Variants in AVEN observed in about 807,000 individuals in gnomAD.
The protein encoded by AVEN is apoptosis and caspase activation inhibitor.
A neutral mutation model predicts 38.1 loss-of-function variants in AVEN; 41 were observed. The observed-to-expected ratio is 1.08, with a 90% CI of 0.84 to 1.40. The LOEUF (loss-of-function observed/expected upper bound fraction) is 1.40, where lower values mean the gene tolerates loss of function less well. Ranked by LOEUF, AVEN falls within the 40% of genes most tolerant of loss-of-function variation. The probability of loss-of-function intolerance (pLI) is 0.00; values close to 1 mark genes in which losing one functional copy is unlikely to be tolerated. For missense variants in AVEN, 605 were observed against 438.8 expected, an observed-to-expected ratio of 1.38 and a Z score of -3.38; for synonymous variants, 206 against 171.8, an observed-to-expected ratio of 1.20 and a Z score of -1.56.
chr15:33,861,302 G>A, downstream of AVEN: 1 of 627,230 alleles, frequency 1.6e-6, no homozygotes. Flanking sequence ...GTCCCCATGA[G>A]CCTGTACCTT....
downstream of AVEN, chr15:33,864,081 T>A (rs1889525324): frequency 6.9e-6 from 9 of 1,296,290 alleles, no homozygotes; most frequent in South Asian, 1.1e-4. Flanking sequence ...AGTTAATCCA[T>A]GCGAATGAAC....
chr15:34,018,286 T>A (rs1898036247), intron 1 of AVEN: 1 of 152,226 alleles, frequency 6.6e-6, no homozygotes, highest in South Asian at 2.1e-4. Context: ...TATTCCTTCT[T>A]GTGGGTTCTC....
In AVEN at chr15:34,031,332, G is replaced by C. The variant is rs529004179; in HGVS notation, c.267+7448C>G. Among the ~76,000 whole-genome samples the C allele has an allele frequency of 1.6e-4, 25 of 152,068 alleles. No individual in the cohort carries two copies. The South Asian group carries it at 4.2e-3, about 25-fold the overall frequency. ...TGGGATTACAGGCGCATGCCACCATGCCTGGCTAATTTTTATATTTCTAAT... is the reference window on the plus strand; with the variant it reads ...TGGGATTACAGGCGCATGCCACCATCCCTGGCTAATTTTTATATTTCTAAT... On this transcript the variant is annotated intron_variant, in intron 1 of 5. Coordinates refer to ENST00000306730, the MANE Select transcript of AVEN (RefSeq NM_020371.3).
chr15:34,055,777 G>T (rs1435431623), intron 5 of AVEN, among the ~76,000 whole-genome samples: 2 of 152,070 alleles, frequency 1.3e-5, no homozygotes, highest in Non-Finnish European at 2.9e-5. Context: ...CTCCAGCCTG[G>T]GCGACGGAGC....
chr15:34,056,363 T>A (rs931113681), intron 5 of AVEN, among the ~76,000 whole-genome samples: 1 of 152,232 alleles, frequency 6.6e-6, no homozygotes, highest in African/African-American at 2.4e-5. Context: ...CATTGTTTTT[T>A]ACTAAAATGC....
intron 2 of AVEN, among the ~76,000 whole-genome samples, chr15:33,971,714 AT>A (rs1295990496): frequency 6.6e-6 from 1 of 152,026 alleles, no homozygotes; most frequent in Non-Finnish European, 1.5e-5. Context: ...TTCATAAGGA[AT>A]TTTTTTCATT....
chr15:33,875,985 G>C lies in AVEN; in HGVS notation c.456C>G (p.Phe152Leu), dbSNP rs1891211010. The C allele has an allele frequency of 3.1e-6, 5 of 1,611,948 alleles. No homozygotes were observed. The highest frequency in any genetic ancestry group is 4.2e-6 in the Non-Finnish European group (5 of 1,179,514). Residue 152 changes from phenylalanine (F) to leucine (L), a missense_variant, in exon 3 of 6, where the codon TTC becomes TTG. Phe to Leu is a conservative substitution (Grantham distance 22, BLOSUM62 0). Coordinates refer to ENST00000306730, the MANE Select transcript of AVEN (RefSeq NM_020371.3). ...SVLLSSAGDSFSQFRFAEEKE... is the reference protein window; with the variant it reads ...SVLLSSAGDSLSQFRFAEEKE... Reference sequence around the variant, plus strand: ...TCTCCTCAGCAAACCGGAACTGTGAGAATGAGTCCCCTAGGAATAGGAAAA... The same window carrying C: ...TCTCCTCAGCAAACCGGAACTGTGACAATGAGTCCCCTAGGAATAGGAAAA...
Position 34,053,253 on chromosome 15 carries a change from TC to T in AVEN, n.1637+9668del, listed in dbSNP as rs1899996880. ...AGGCAGAGGTTGCAGTGAGCCAAGA[TC>T]ATGCCACTGCACTCCAGCCTGGGTG... On this transcript the variant is annotated intron_variant and non_coding_transcript_variant, in intron 5 of 11. Transcript: ENST00000675287. 3.9e-5 allele frequency among the ~76,000 whole-genome samples: 5 copies of T among 129,612 alleles called. No individual in the cohort carries two copies. The South Asian group carries it at 1.2e-3, about 31-fold the overall frequency. The allele number at this position is 129,612 out of a possible 152,430, so 85.0% of individuals were successfully genotyped here. A position where few individuals can be genotyped will look rare whatever the true frequency, so the allele number is the denominator to read the frequency against.
At position 34,052,945 on chromosome 15, in the gene AVEN, T is replaced by C. The variant is rs535051541; in HGVS notation, n.1637+9977A>G. 2.0e-5 allele frequency among the ~76,000 whole-genome samples: 3 copies of C among 152,200 alleles called. No homozygotes were observed. In the South Asian group the frequency reaches 6.2e-4, roughly 32 times the overall value. Reference sequence around the variant, plus strand: ...CCAAAGTAGTTTATAGATTCAATGCTAATCTCATGAAACTACCATTGATAT... The same window carrying C: ...CCAAAGTAGTTTATAGATTCAATGCCAATCTCATGAAACTACCATTGATAT... On this transcript the variant is annotated intron_variant and non_coding_transcript_variant, in intron 5 of 11. Coordinates refer to the AVEN transcript ENST00000675287.
Position 34,053,246 on chromosome 15 carries a change from G to A in AVEN, n.1637+9676C>T, listed in dbSNP as rs1244137830. ...ACCCAGGAGGCAGAGGTTGCAGTGA[G>A]CCAAGATCATGCCACTGCACTCCAG... On this transcript the variant is annotated intron_variant and non_coding_transcript_variant, in intron 5 of 11. Coordinates refer to the AVEN transcript ENST00000675287. Among the ~76,000 whole-genome samples the A allele has an allele frequency of 3.0e-5, 4 of 135,540 alleles. No individual in the cohort carries two copies. The East Asian group carries it at 8.6e-4, about 29-fold the overall frequency. The allele number at this position is 135,540 out of a possible 152,430, so 88.9% of individuals were successfully genotyped here.
chr15:34,022,615 T>C (rs1285692909), intron 1 of AVEN, among the ~76,000 whole-genome samples: 1 of 152,214 alleles, frequency 6.6e-6, no homozygotes, highest in Non-Finnish European at 1.5e-5. Flanking sequence ...TGCATGCTGG[T>C]AAAATTCCCT....
intron 2 of AVEN, among the ~76,000 whole-genome samples, chr15:33,924,495 A>AT (rs1597236803): frequency 6.6e-6 from 1 of 151,864 alleles, no homozygotes; most frequent in African/African-American, 2.4e-5. Context: ...AAATTTCCTG[A>AT]TTTTTTTGTA....
chr15:33,860,792 G>C, intron 11 of AVEN: 1 of 750,646 alleles, frequency 1.3e-6, no homozygotes. Context: ...TCCATGCCCT[G>C]TTCTCTGCAC....
chr15:33,929,279 T>G (rs771563137), intron 2 of AVEN, among the ~76,000 whole-genome samples: 1 of 152,218 alleles, frequency 6.6e-6, no homozygotes, highest in Non-Finnish European at 1.5e-5. Flanking sequence ...GTATGCTGAC[T>G]GTTATCCGCT....
At chr15:33,933,776 T>C (rs1047412456) in intron 2 of AVEN, among the ~76,000 whole-genome samples, 1 of 152,084 alleles carries the variant, frequency 6.6e-6, no homozygotes, top group Admixed American at 6.5e-5. Flanking sequence ...CTGGCCAACA[T>C]GGCAAAACCC....
Position 34,063,123 on chromosome 15 carries a change from T to C in AVEN, n.1436A>G. 4 of 1,614,208 alleles carry C rather than the reference T, an allele frequency of 2.5e-6. No homozygotes were observed. Among genetic ancestry groups the C allele is most frequent in the Non-Finnish European group, 3.4e-6 (4 of 1,180,030 alleles). ...CCGTTACTTTTCCATCACAAGACCC[T>C]TGACATATCGGGCCAAGCGTACTCC... On this transcript the variant is annotated non_coding_transcript_exon_variant, in exon 5 of 12. Transcript: ENST00000675287. The surrounding 1 kb of genome is among the most constrained non-coding windows in gnomAD (Gnocchi z 4.1).
intron 3 of AVEN, among the ~76,000 whole-genome samples, chr15:33,872,391 A>AGAC (rs1217180438): frequency 6.6e-6 from 1 of 152,220 alleles, no homozygotes; most frequent in Admixed American, 6.5e-5. Context: ...CCCTTCAATC[A>AGAC]GACTATTACA....
intron 2 of AVEN, among the ~76,000 whole-genome samples, chr15:33,944,535 A>G (rs1048002992): frequency 6.6e-6 from 1 of 152,262 alleles, no homozygotes; most frequent in Middle Eastern, 3.4e-3. Flanking sequence ...CAACCAGGCC[A>G]GGCACGGCTC....
At chr15:34,013,777 C>T (rs900893914) in intron 1 of AVEN, among the ~76,000 whole-genome samples, 1 of 152,150 alleles carries the variant, frequency 6.6e-6, no homozygotes, top group Admixed American at 6.5e-5. Flanking sequence ...CAGGACCAGG[C>T]TTGTGAGCCA....
Sources: gnomAD v4.1 joint callset for allele counts (sites outside exome capture counted in the v4.1 genomes callset) on GRCh38, gnomAD v4.1.1 for gene constraint, Gnocchi (gnomAD v3.1) non-coding constraint, MANE v1.5 for transcripts, NCBI Gene and HGNC (gene_info 2026-07-23, HGNC 2026-07-21) for gene names.